The following TRAM2 variants were observed in gnomAD, a reference collection of about 807,000 sequenced individuals.
TRAM2 encodes the protein translocating chain-associated membrane protein 2.
In TRAM2, 12 loss-of-function variants were observed where a neutral mutation model predicts 51.0. The ratio of observed to expected loss-of-function variants is 0.24; its 90% CI spans 0.15 to 0.38. TRAM2 has a LOEUF of 0.38. Ranked by LOEUF, TRAM2 falls within the 10% of genes least tolerant of loss-of-function variation. The pLI, the probability that TRAM2 is intolerant of heterozygous loss-of-function variation, is 1.00. For synonymous variants in TRAM2, 175 were observed against 179.4 expected, an observed-to-expected ratio of 0.98 and a Z score of 0.20; for missense variants, 361 against 462.0, an observed-to-expected ratio of 0.78 and a Z score of 2.00.
At chr6:52,556,167 G>A (rs1767401252) in intron 1 of TRAM2, among the ~76,000 whole-genome samples, 1 of 152,026 alleles carries the variant, frequency 6.6e-6, no homozygotes, top group African/African-American at 2.4e-5. Context: ...CTTGGGGGAG[G>A]GCATTCATGG....
At chr6:52,535,684 GGGA>G in intron 2 of TRAM2, 96 bp downstream of exon 2, 1 of 1,126,050 alleles carries the variant, frequency 8.9e-7, no homozygotes, top group Non-Finnish European at 1.3e-6. Context: ...TCCGTCATGG[GGGA>G]AAAAAAAAAA....
At chr6:52,573,078 A>T (rs867029905) in intron 1 of TRAM2, among the ~76,000 whole-genome samples, 1 of 151,628 alleles carries the variant, frequency 6.6e-6, no homozygotes, top group African/African-American at 2.4e-5. Flanking sequence ...AAATGAGCTT[A>T]AAAAAAAAGT....
chr6:52,568,875 T>C (rs1767631626), intron 1 of TRAM2, among the ~76,000 whole-genome samples: 2 of 152,234 alleles, frequency 1.3e-5, no homozygotes, highest in Non-Finnish European at 2.9e-5. Context: ...AGGGGCTTTA[T>C]TAAGAAGTCC....
chr6:52,530,690 T>C (rs2092624), intron 2 of TRAM2, among the ~76,000 whole-genome samples: 104,499 of 151,976 alleles, frequency 0.69, 36,927 homozygotes, highest in East Asian at 0.89. Context: ...AAGCCTGGAC[T>C]AGATCCTTCC....
At position 52,576,998 on chromosome 6, in the gene TRAM2, C is replaced by G; in HGVS notation, c.-83G>C. ...CAAACTTCTCCAGCACCGGCCCGGT[C>G]CGCCCGCCGGCCCGCCGCCCGCTCT... On this transcript the variant is annotated 5_prime_UTR_variant, in exon 1 of 11. Coordinates refer to ENST00000182527, the MANE Select transcript of TRAM2 (RefSeq NM_012288.4). 1 of 1,325,114 alleles carries G rather than the reference C, an allele frequency of 7.5e-7. No homozygotes were observed. The highest frequency in any genetic ancestry group is 9.6e-7 in the Non-Finnish European group (1 of 1,043,684). 82.1% of individuals were successfully genotyped at this position (1,325,114 alleles called of 1,614,324 possible).
intron 1 of TRAM2, among the ~76,000 whole-genome samples, chr6:52,563,549 C>T (rs987375549): frequency 2.6e-5 from 4 of 151,876 alleles, no homozygotes; most frequent in Non-Finnish European, 4.4e-5. Context: ...GAAACCCCGT[C>T]TCTACTAAAA....
In TRAM2 at chr6:52,502,818, A is replaced by G; in HGVS notation, c.*379T>C. ...CTCCCATTGTAAAAATCAGACAGAAAAATTGCAAGATAAGGTGAAAATAGG... is the reference window on the plus strand; with the variant it reads ...CTCCCATTGTAAAAATCAGACAGAAGAATTGCAAGATAAGGTGAAAATAGG... On this transcript the variant is annotated 3_prime_UTR_variant, in exon 11 of 11. Transcript: ENST00000182527. 1 of 199,536 alleles carries G rather than the reference A, an allele frequency of 5.0e-6. No homozygotes were observed. The highest frequency in any genetic ancestry group is 1.0e-5 in the Non-Finnish European group (1 of 98,344). The allele number at this position is 199,536 out of a possible 1,614,324, so 12.4% of individuals were successfully genotyped here. A position where few individuals can be genotyped will look rare whatever the true frequency, so the allele number is the denominator to read the frequency against.
At chr6:52,506,936 T>C (rs1766360939) in intron 7 of TRAM2, among the ~76,000 whole-genome samples, 1 of 152,192 alleles carries the variant, frequency 6.6e-6, no homozygotes, top group Admixed American at 6.5e-5. Context: ...AGTGCCAGCC[T>C]AGAGAAAGTG....
rs763856618 is a variant in TRAM2, at chr6:52,497,840, T to C, written c.*5357A>G. 1.3e-5 allele frequency: 2 copies of C among 152,306 alleles called. No homozygotes were observed. The highest frequency in any genetic ancestry group is 6.5e-5 in the Admixed American group (1 of 15,274). 9.4% of individuals were successfully genotyped at this position (152,306 alleles called of 1,614,324 possible). A position where few individuals can be genotyped will look rare whatever the true frequency, so the allele number is the denominator to read the frequency against. On this transcript the variant is annotated 3_prime_UTR_variant, in exon 11 of 11. Coordinates refer to ENST00000182527, the MANE Select transcript of TRAM2 (RefSeq NM_012288.4). Reference sequence around the variant, plus strand: ...GGAAACAGCGGTATTATATTTACTGTCACAGCTAGACCCTATCAGGTGAAC... The same window carrying C: ...GGAAACAGCGGTATTATATTTACTGCCACAGCTAGACCCTATCAGGTGAAC...
chr6:52,506,122 C>T lies in TRAM2; in HGVS notation c.641G>A (p.Gly214Asp). 1 of 1,613,978 alleles carries T rather than the reference C, an allele frequency of 6.2e-7. No individual in the cohort carries two copies. The change falls in exon 8 of 11, where the codon GGC becomes GAC. Residue 214 changes from glycine (G) to aspartate (D), a missense_variant. Coordinates refer to ENST00000182527, the MANE Select transcript of TRAM2 (RefSeq NM_012288.4). ...GAYLLNLSRLGLILLLLQYST... is the reference protein window; with the variant it reads ...GAYLLNLSRLDLILLLLQYST... ...GTACTGCAGCAGCAGCAAGATCAGG[C>T]CCAGGCGGCTCAGGCTGGGGGTGGG...
intron 1 of TRAM2, among the ~76,000 whole-genome samples, chr6:52,544,821 C>T (rs1767168843): frequency 6.6e-6 from 1 of 152,090 alleles, no homozygotes; most frequent in African/African-American, 2.4e-5. Flanking sequence ...CAAGAGTTCC[C>T]AGGAAAATGT....
At chr6:52,511,386 G>A (rs1266528817) in intron 4 of TRAM2, among the ~76,000 whole-genome samples, 6 of 152,164 alleles carry the variant, frequency 3.9e-5, no homozygotes. Context: ...GTGCACCATT[G>A]CGCCCAGCCA....
rs74412297 is a variant in TRAM2 at position 52,567,409 on chromosome 6, G to A, written c.120+9387C>T. Among the ~76,000 whole-genome samples the A allele has an allele frequency of 6.2e-4, 95 of 152,332 alleles. 6 individuals are homozygous for A. The East Asian group carries it at 0.016, about 26-fold the overall frequency. ...AGCTGGCTTGAATTTCAATTTCAGCGTTTTGTACAGAGTAGGTGTATGTGC... is the reference window on the plus strand; with the variant it reads ...AGCTGGCTTGAATTTCAATTTCAGCATTTTGTACAGAGTAGGTGTATGTGC... On this transcript the variant is annotated intron_variant, in intron 1 of 10. Transcript: ENST00000182527.
At chr6:52,536,884 G>A (rs944766128) in intron 1 of TRAM2, among the ~76,000 whole-genome samples, 11 of 152,182 alleles carry the variant, frequency 7.2e-5, no homozygotes, top group African/African-American at 2.7e-4. Flanking sequence ...ATAAAGGGGT[G>A]CTGGTTCTTC....
intron 7 of TRAM2, 94 bp downstream of exon 7, chr6:52,507,459 T>C: frequency 7.8e-7 from 1 of 1,278,002 alleles, no homozygotes; most frequent in East Asian, 2.3e-5. Context: ...ACACAGAGGA[T>C]GTCAACAAAT....
intron 1 of TRAM2, among the ~76,000 whole-genome samples, chr6:52,576,036 G>A (rs1162743265): frequency 6.6e-6 from 1 of 152,070 alleles, no homozygotes; most frequent in East Asian, 1.9e-4. Flanking sequence ...CCCATCCTCT[G>A]CCCCCCACTC....
chr6:52,519,822 AAG>A (rs1766633586), intron 2 of TRAM2, among the ~76,000 whole-genome samples: 2 of 152,104 alleles, frequency 1.3e-5, no homozygotes, highest in African/African-American at 4.8e-5. Flanking sequence ...AAAAAAAAAA[AAG>A]GAAATTCTGA....
chr6:52,556,821 G>A (rs1354227830), intron 1 of TRAM2, among the ~76,000 whole-genome samples: 4 of 151,764 alleles, frequency 2.6e-5, no homozygotes, highest in Non-Finnish European at 4.4e-5. Context: ...CCAGCTACTC[G>A]GGAGGCCGAG....
chr6:52,576,279 C>T (rs1378569364), intron 1 of TRAM2, among the ~76,000 whole-genome samples: 2 of 152,228 alleles, frequency 1.3e-5, no homozygotes, highest in African/African-American at 2.4e-5. Context: ...ACGTGAACAT[C>T]CGAGCACGTT....
Sources: gnomAD v4.1 joint callset for allele counts (sites outside exome capture counted in the v4.1 genomes callset) on GRCh38, gnomAD v4.1.1 for gene constraint, MANE v1.5 for transcripts, NCBI Gene and HGNC (gene_info 2026-07-23, HGNC 2026-07-21) for gene names.